Variants in KAZN observed in about 807,000 individuals in gnomAD.
The protein encoded by KAZN is kazrin, periplakin interacting protein.
A neutral mutation model predicts 87.4 loss-of-function variants in KAZN; 40 were observed. That is an observed-to-expected ratio of 0.46 (90% CI 0.36 to 0.60). The LOEUF (loss-of-function observed/expected upper bound fraction) is 0.60, where lower values mean the gene tolerates loss of function less well. KAZN is among the 20% of genes least tolerant of loss of function. The pLI, the probability that KAZN is intolerant of heterozygous loss-of-function variation, is 0.00. For missense variants in KAZN, 898 were observed against 1,073.9 expected (o/e 0.84, Z 2.29); for synonymous variants, 466 against 458.3 (o/e 1.02, Z -0.22).
intron 2 of KAZN, among the ~76,000 whole-genome samples, chr1:14,219,530 G>A (rs1647045958): frequency 6.6e-6 from 1 of 152,052 alleles, no homozygotes; most frequent in South Asian, 2.1e-4. Context: ...CACCACATTG[G>A]ACAGGCAGAC....
chr1:14,544,492 A>G (rs1673018534), intron 2 of KAZN, among the ~76,000 whole-genome samples: 1 of 151,804 alleles, frequency 6.6e-6, no homozygotes, highest in East Asian at 1.9e-4. Context: ...AAGGAGAAAC[A>G]TAGACTTCTT....
At chr1:14,520,904 G>A (rs1042560199) in intron 2 of KAZN, among the ~76,000 whole-genome samples, 33 of 152,212 alleles carry the variant, frequency 2.2e-4, no homozygotes, top group Non-Finnish European at 4.6e-4. Context: ...CATCCATCCA[G>A]CTCCATTCCC....
intron 1 of KAZN, among the ~76,000 whole-genome samples, chr1:13,968,587 G>A (rs1451415154): frequency 1.3e-5 from 2 of 152,170 alleles, no homozygotes; most frequent in South Asian, 4.1e-4. Flanking sequence ...CTTCCGGTTG[G>A]ATTTTGTCCC....
chr1:14,883,357 A>AGG (rs1215092332), intron 1 of KAZN, among the ~76,000 whole-genome samples: 4 of 40,058 alleles, frequency 1.0e-4, no homozygotes, highest in African/African-American at 3.2e-4. Context: ...AAAGAAAGAA[A>AGG]AGAAAGAAAG....
chr1:14,327,406 C>G (rs572114385), intron 2 of KAZN, among the ~76,000 whole-genome samples: 3 of 152,234 alleles, frequency 2.0e-5, no homozygotes, highest in South Asian at 2.1e-4. Context: ...AAGCCCCTAC[C>G]TGGAATGCCG....
At chr1:14,147,810 C>A (rs938065818) in intron 1 of KAZN, among the ~76,000 whole-genome samples, 401 of 148,324 alleles carry the variant, frequency 2.7e-3, no homozygotes, top group African/African-American at 7.7e-3. Context: ...AAAAAAACAA[C>A]AAAAAAACTA....
chr1:14,121,996 T>A (rs1053540574), intron 1 of KAZN, among the ~76,000 whole-genome samples: 3 of 152,132 alleles, frequency 2.0e-5, no homozygotes, highest in Non-Finnish European at 2.9e-5. Flanking sequence ...ACACAGTAGA[T>A]GAGGCTAGAG....
chr1:14,190,718 G>A (rs922624150), intron 2 of KAZN, among the ~76,000 whole-genome samples: 98 of 152,090 alleles, frequency 6.4e-4, no homozygotes, highest in African/African-American at 2.3e-3. Context: ...GAGGGATCAC[G>A]TGGAGCCCAG....
intron 1 of KAZN, among the ~76,000 whole-genome samples, chr1:14,000,090 AC>A (rs1639712767): frequency 6.6e-6 from 1 of 152,250 alleles, no homozygotes; most frequent in Non-Finnish European, 1.5e-5. Context: ...CCAGGACCAG[AC>A]GGATTCACAG....
intron 1 of KAZN, among the ~76,000 whole-genome samples, chr1:14,857,035 G>A (rs552507818): frequency 6.6e-6 from 1 of 152,188 alleles, no homozygotes; most frequent in Non-Finnish European, 1.5e-5. Flanking sequence ...TGGATGTCAG[G>A]GGAGAGAAGG....
At chr1:14,299,218 T>C (rs1654352433) in intron 2 of KAZN, among the ~76,000 whole-genome samples, 1 of 152,100 alleles carries the variant, frequency 6.6e-6, no homozygotes. Context: ...AAGAAAATCA[T>C]TAGGCCAAGT....
At chr1:14,558,381 C>A (rs1674043180) in intron 2 of KAZN, among the ~76,000 whole-genome samples, 1 of 152,176 alleles carries the variant, frequency 6.6e-6, no homozygotes. Context: ...AGCAAGTAAA[C>A]ATCTTTTTTC....
intron 1 of KAZN, among the ~76,000 whole-genome samples, chr1:13,894,314 C>A (rs1446645590): frequency 6.6e-6 from 1 of 152,014 alleles, no homozygotes; most frequent in Non-Finnish European, 1.5e-5. Flanking sequence ...AAATGGCTCA[C>A]GTTTTATACA....
chr1:14,016,597 G>A (rs1042553229), intron 1 of KAZN, among the ~76,000 whole-genome samples: 2 of 152,070 alleles, frequency 1.3e-5, no homozygotes, highest in South Asian at 2.1e-4. Flanking sequence ...AGAATATCTC[G>A]GAGGCTCACT....
At position 14,976,959 on chromosome 1, in the gene KAZN, G is replaced by T. The variant is rs1217520005; in HGVS notation, c.418+16084G>T. ...AATCCCAGCTACTCAGGAGGCTGAGGCAGGAGGATCACGTGAACCCGGGAG... is the reference window on the plus strand; with the variant it reads ...AATCCCAGCTACTCAGGAGGCTGAGTCAGGAGGATCACGTGAACCCGGGAG... On this transcript the variant is annotated intron_variant, in intron 2 of 14. Transcript: ENST00000376030. Among the ~76,000 whole-genome samples, 9 of 152,250 alleles carry T rather than the reference G, an allele frequency of 5.9e-5. No individual in the cohort carries two copies. The East Asian group carries it at 1.3e-3, about 23-fold the overall frequency.
At chr1:14,710,220 T>C (rs1642413895) in intron 1 of KAZN, among the ~76,000 whole-genome samples, 1 of 152,194 alleles carries the variant, frequency 6.6e-6, no homozygotes, top group Admixed American at 6.5e-5. Flanking sequence ...CTTCAGAATT[T>C]ACCCATTTCC....
chr1:14,163,754 G>A (rs1044426830), intron 1 of KAZN, among the ~76,000 whole-genome samples: 3 of 152,294 alleles, frequency 2.0e-5, no homozygotes, highest in South Asian at 2.1e-4. Context: ...TGCCCTGCAC[G>A]TGTCTGCCTA....
intron 2 of KAZN, among the ~76,000 whole-genome samples, chr1:14,413,593 GAAAAAAAAAA>G (rs1169921344): frequency 7.6e-5 from 5 of 66,094 alleles, no homozygotes; most frequent in East Asian, 1.0e-3. Flanking sequence ...CGTCTCAAAA[GAAAAAAAAAA>G]AAAAAAAAAA....
At chr1:14,553,114 C>T (rs1673641871) in intron 2 of KAZN, among the ~76,000 whole-genome samples, 1 of 152,166 alleles carries the variant, frequency 6.6e-6, no homozygotes, top group Non-Finnish European at 1.5e-5. Flanking sequence ...TTGGCTCATG[C>T]CTGTAGTCCT....
Sources: gnomAD v4.1 joint callset for allele counts (sites outside exome capture counted in the v4.1 genomes callset) on GRCh38, gnomAD v4.1.1 for gene constraint, MANE v1.5 for transcripts, NCBI Gene and HGNC (gene_info 2026-07-23, HGNC 2026-07-21) for gene names.